Variants in LZTR1 observed in about 807,000 individuals in gnomAD.
The protein encoded by LZTR1 is leucine zipper like post translational regulator 1, also known as leucine-zipper-like transcriptional regulator 1.
LZTR1 carries 260 observed loss-of-function variants against 105.7 expected under a neutral mutation model. The observed-to-expected ratio is 2.46, with a 90% CI of 2.22 to 2.72. LZTR1 has a LOEUF of 2.72. Ranked by LOEUF, LZTR1 falls within the 30% of genes most tolerant of loss-of-function variation. The probability of loss-of-function intolerance (pLI) is 0.00; values close to 1 mark genes in which losing one functional copy is unlikely to be tolerated. For synonymous variants in LZTR1, 490 were observed against 476.4 expected (o/e 1.03, Z -0.37); for missense variants, 1,214 against 1,166.9 (o/e 1.04, Z -0.59).
In LZTR1 at chr22:20,994,644, C is replaced by A. The variant is rs1924756229; in HGVS notation, c.1702C>A (p.Gln568Lys). Residue 568 changes from glutamine to lysine, a missense_variant, in exon 15 of 21, where the codon CAG becomes AAG. Coordinates refer to ENST00000646124, the MANE Select transcript of LZTR1 (RefSeq NM_006767.4). ...QLCRLEQLCR[Q>K]YIEASVDLQN... ...GTGCCGCCTGGAGCAGCTGTGCCGCCAGTACATCGAGGCCTCCGTGGACCT... is the reference window on the plus strand; with the variant it reads ...GTGCCGCCTGGAGCAGCTGTGCCGCAAGTACATCGAGGCCTCCGTGGACCT... 6.2e-7 allele frequency: 1 copy of A among 1,612,818 alleles called. No homozygotes were observed. Among genetic ancestry groups the A allele is most frequent in the African/African-American group, 1.3e-5 (1 of 74,924 alleles).
Position 20,996,018 on chromosome 22 carries a change from T to A in LZTR1, c.2125T>A (p.Ser709Thr). ...FMPEDGQVNI[S>T]IGEMVPSRQA... ...GCCCGAAGATGGGCAGGTGAACATC[T>A]CCATCGGGGAGATGGTGCCCAGCAG... Residue 709 changes from serine to threonine, a missense_variant, in exon 18 of 21, where the codon TCC (serine) becomes ACC (threonine). By Grantham distance (58) the Ser-to-Thr change is moderately conservative. Coordinates refer to ENST00000646124, the MANE Select transcript of LZTR1 (RefSeq NM_006767.4). 1.2e-6 allele frequency: 2 copies of A among 1,613,612 alleles called. No individual in the cohort carries two copies. The highest frequency in any genetic ancestry group is 1.7e-6 in the Non-Finnish European group (2 of 1,180,008).
intron 14 of LZTR1, 72 bp from the exon 15 acceptor site, chr22:20,994,486 G>C: frequency 4.6e-6 from 7 of 1,507,604 alleles, no homozygotes; most frequent in South Asian, 1.2e-5. Context: ...CTCTTCCATG[G>C]GGGGAGCCCT....
intron 16 of LZTR1, 157 bp downstream of exon 16, chr22:20,995,183 A>G: frequency 2.4e-6 from 2 of 820,526 alleles, no homozygotes; most frequent in Non-Finnish European, 3.9e-6. Context: ...GAGGAAACAG[A>G]TGAAGGCAGA....
Position 20,988,044 on chromosome 22 carries a change from C to G in LZTR1, c.435C>G (p.Asn145Lys). 1 of 1,612,242 alleles carries G rather than the reference C, an allele frequency of 6.2e-7. No homozygotes were observed. Among genetic ancestry groups the G allele is most frequent in the Non-Finnish European group, 8.5e-7 (1 of 1,178,284 alleles). The change falls in exon 5 of 21, where the codon AAC becomes AAG. Residue 145 changes from asparagine (N) to lysine (K), a missense_variant. Coordinates refer to ENST00000646124, the MANE Select transcript of LZTR1 (RefSeq NM_006767.4). ...CTGGGGACATTTATTCCAATTCTAA[C>G]TTGAAGAATAAAAACGACCTCTTTG... ...GYTGDIYSNS[N>K]LKNKNDLFEY...
chr22:20,988,932 C>A (rs376335535), intron 6 of LZTR1, 60 bp downstream of exon 6: 1 of 1,474,216 alleles, frequency 6.8e-7, no homozygotes. Flanking sequence ...CGGAGCAGGC[C>A]GTCCTGGCAT....
Position 20,993,754 on chromosome 22 carries a change from G to T in LZTR1, c.1353G>T (p.Glu451Asp). Residue 451 changes from glutamate to aspartate, a missense_variant and splice_region_variant, in exon 12 of 21, where the codon GAG becomes GAT. Glu to Asp is a conservative substitution (Grantham distance 45, BLOSUM62 2). Transcript: ENST00000646124. ...GCGACGTGGAGTTCGTGCTGGGTGA[G>T]GTGGGTGCCTGTCCTCGCACCCTGC... ...QFCDVEFVLGEKEECVQGHVA... is the reference protein window; with the variant it reads ...QFCDVEFVLGDKEECVQGHVA... 1 of 1,612,234 alleles carries T rather than the reference G, an allele frequency of 6.2e-7. No homozygotes were observed.
intron 18 of LZTR1, 197 bp downstream of exon 18, chr22:20,996,309 G>A: frequency 1.6e-6 from 1 of 634,310 alleles, no homozygotes; most frequent in African/African-American, 1.8e-5. Context: ...GGGGTTTGCA[G>A]CCAGGAGGAA....
chr22:20,992,714 C>G, intron 10 of LZTR1, 80 bp from the exon 11 acceptor site: 1 of 953,144 alleles, frequency 1.0e-6, no homozygotes, highest in Non-Finnish European at 1.6e-6. Flanking sequence ...GGTGCCGCAT[C>G]CTTGCCTTAC....
In LZTR1 at chr22:20,996,029, G is replaced by A. The variant is rs1186474487; in HGVS notation, c.2136G>A (p.Glu712=). ...EDGQVNISIG[E]MVPSRQAFES... is the part of the protein sequence containing the mutation. ...GGCAGGTGAACATCTCCATCGGGGA[G>A]ATGGTGCCCAGCAGGCAGGCCTTCG... is the stretch of plus-strand genomic sequence containing the variant. Residue 712 remains glutamate, a synonymous_variant, in exon 18 of 21, where the codon GAG becomes GAA. Coordinates refer to ENST00000646124, the MANE Select transcript of LZTR1 (RefSeq NM_006767.4). 3 of 1,613,586 alleles carry A rather than the reference G, an allele frequency of 1.9e-6. No individual in the cohort carries two copies. The highest frequency in any genetic ancestry group is 2.5e-6 in the Non-Finnish European group (3 of 1,180,044).
intron 11 of LZTR1, chr22:20,993,210 C>A (rs945486517): frequency 2.2e-6 from 1 of 447,978 alleles, no homozygotes; most frequent in African/African-American, 2.0e-5. Context: ...AGGGCAGAGC[C>A]AGGGCCGACA....
intron 17 of LZTR1, 25 bp downstream of exon 17, chr22:20,995,897 G>T (rs1252365136): frequency 6.2e-7 from 1 of 1,612,914 alleles, no homozygotes; most frequent in Non-Finnish European, 8.5e-7. Flanking sequence ...GACAGGAGGG[G>T]AGGGTGGGCC....
intron 2 of LZTR1, among the ~76,000 whole-genome samples, chr22:20,984,007 C>T (rs1046954407): frequency 6.6e-6 from 1 of 152,204 alleles, no homozygotes; most frequent in Non-Finnish European, 1.5e-5. Flanking sequence ...TGGGGCGGCA[C>T]GGGCTGCCTT....
At chr22:20,991,093 T>C (rs1434807158) in intron 8 of LZTR1, 4 of 162,672 alleles carry the variant, frequency 2.5e-5, no homozygotes, top group African/African-American at 7.2e-5. Context: ...TGGAGCCAGA[T>C]GGCATAGCCC....
In LZTR1 at chr22:20,987,699, C is replaced by T. The variant is rs113919312; in HGVS notation, c.400+116C>T. On this transcript the variant is annotated intron_variant, in intron 4 of 20. Coordinates refer to ENST00000646124, the MANE Select transcript of LZTR1 (RefSeq NM_006767.4). ...CTGTGTACAGCAGGGGCTCTCTCTCCACCCGTGGCTTTGTCTGCCAGTCTT... is the reference window on the plus strand; with the variant it reads ...CTGTGTACAGCAGGGGCTCTCTCTCTACCCGTGGCTTTGTCTGCCAGTCTT... 9 of 963,800 alleles carry T rather than the reference C, an allele frequency of 9.3e-6. No individual in the cohort carries two copies. In the East Asian group the frequency reaches 9.9e-5, roughly 11 times the overall value. The allele number at this position is 963,800 out of a possible 1,614,324, so 59.7% of individuals were successfully genotyped here.
Position 20,994,531 on chromosome 22 carries a change from C to T in LZTR1, c.1616-27C>T, listed in dbSNP as rs762432529. ...GCCCTGCCCTCCCCTCTCCGGCTCCCTGAGATTCGGGGGCTCTGGGGCGCA... is the reference window on the plus strand; with the variant it reads ...GCCCTGCCCTCCCCTCTCCGGCTCCTTGAGATTCGGGGGCTCTGGGGCGCA... On this transcript the variant is annotated intron_variant, in intron 14 of 20. Coordinates refer to ENST00000646124, the MANE Select transcript of LZTR1 (RefSeq NM_006767.4). 1.7e-5 allele frequency: 28 copies of T among 1,602,072 alleles called. No homozygotes were observed. In the Middle Eastern group the frequency reaches 5.1e-4, roughly 29 times the overall value.
At chr22:20,996,639 C>A (rs1235135739) in intron 18 of LZTR1, 57 bp from the exon 19 acceptor site, 5 of 1,475,580 alleles carry the variant, frequency 3.4e-6, no homozygotes, top group Non-Finnish European at 4.7e-6. Context: ...CCTGTCCTTC[C>A]CTGGGAGGGT....
intron 16 of LZTR1, 36 bp from the exon 17 acceptor site, chr22:20,995,710 C>T: frequency 6.2e-7 from 1 of 1,611,662 alleles, no homozygotes; most frequent in Non-Finnish European, 8.5e-7. Flanking sequence ...GCCAGAATCC[C>T]AGGCTGTACC....
chr22:20,985,059 A>T (rs375188065), intron 2 of LZTR1, among the ~76,000 whole-genome samples: 431 of 120,296 alleles, frequency 3.6e-3, no homozygotes, highest in Non-Finnish European at 5.1e-3. Context: ...CTTCGTTTCT[A>T]TTTTTTTTTT....
Position 20,990,460 on chromosome 22 carries a change from A to G in LZTR1, c.726A>G (p.Val242=), listed in dbSNP as rs1924567252. The change falls in exon 8 of 21, where the codon GTA becomes GTG. Residue 242 remains valine (V), a synonymous_variant. Coordinates refer to ENST00000646124, the MANE Select transcript of LZTR1 (RefSeq NM_006767.4). ...PVAVCRDKMF[V]FSGQSGAKIT... The stretch of plus-strand genomic sequence containing the variant: ...CTGTGTGCCGGGACAAGATGTTTGT[A>G]TTCTCTGGGCAAAGCGGAGCCAAAA... 1.9e-6 allele frequency: 3 copies of G among 1,614,062 alleles called. No individual in the cohort carries two copies. The African/African-American group carries it at 4.0e-5, about 22-fold the overall frequency.
Sources: gnomAD v4.1 joint callset for allele counts (sites outside exome capture counted in the v4.1 genomes callset) on GRCh38, gnomAD v4.1.1 for gene constraint, MANE v1.5 for transcripts, NCBI Gene and HGNC (gene_info 2026-07-23, HGNC 2026-07-21) for gene names.